TAF4: variants seen among roughly 807,000 people sequenced by gnomAD.
The protein encoded by TAF4 is transcription initiation factor TFIID subunit 4.
In TAF4, 9 loss-of-function variants were observed where a neutral mutation model predicts 90.3. The ratio of observed to expected loss-of-function variants is 0.10; its 90% CI spans 0.06 to 0.17. The LOEUF is 0.17. Among genes scored for constraint, TAF4 ranks in the 10% least tolerant of loss-of-function variants. TAF4 has a pLI of 1.00. For synonymous variants in TAF4, 818 were observed against 638.9 expected, an observed-to-expected ratio of 1.28 and a Z score of -4.23; for missense variants, 1,351 against 1,370.7, an observed-to-expected ratio of 0.99 and a Z score of 0.23.
intron 1 of TAF4, among the ~76,000 whole-genome samples, chr20:62,063,908 C>T (rs895180764): frequency 6.6e-6 from 1 of 152,254 alleles, no homozygotes; most frequent in Non-Finnish European, 1.5e-5. Context: ...AAGGAGGGGG[C>T]GTCGCGCCCC....
intron 1 of TAF4, among the ~76,000 whole-genome samples, chr20:62,022,607 C>T (rs1372345179): frequency 2.6e-5 from 4 of 152,200 alleles, no homozygotes; most frequent in African/African-American, 4.8e-5. Context: ...ATCCAGCGTG[C>T]GCTCCTTACA....
chr20:61,990,720 G>A (rs952628109), intron 14 of TAF4, among the ~76,000 whole-genome samples: 2 of 152,202 alleles, frequency 1.3e-5, no homozygotes, highest in Admixed American at 6.5e-5. Context: ...AACCTGCTGG[G>A]AGTGAATCAG....
chr20:61,991,453 G>A (rs2055630936), intron 14 of TAF4, among the ~76,000 whole-genome samples: 1 of 151,740 alleles, frequency 6.6e-6, no homozygotes, highest in East Asian at 1.9e-4. Context: ...AAAAGAGAGA[G>A]AGAAATTAGG....
In TAF4 at chr20:61,976,417, A is replaced by G. The variant is rs1600820599; in HGVS notation, c.3091-82T>C. Reference sequence around the variant, plus strand: ...ATGAGCCTGTGTATCTGAGCCAAGTACCCCGATTCCAGAGGAGGCCAGGCC... The same window carrying G: ...ATGAGCCTGTGTATCTGAGCCAAGTGCCCCGATTCCAGAGGAGGCCAGGCC... On this transcript the variant is annotated intron_variant, in intron 14 of 14. Coordinates refer to ENST00000252996, the MANE Select transcript of TAF4 (RefSeq NM_003185.4). 3.9e-6 allele frequency: 6 copies of G among 1,525,878 alleles called. No homozygotes were observed. In the East Asian group the frequency reaches 1.1e-4, roughly 29 times the overall value. 94.5% of individuals were successfully genotyped at this position (1,525,878 alleles called of 1,614,324 possible). A position where few individuals can be genotyped will look rare whatever the true frequency, so the allele number is the denominator to read the frequency against.
chr20:62,052,538 C>T (rs2145514822), intron 1 of TAF4, among the ~76,000 whole-genome samples: 1 of 152,026 alleles, frequency 6.6e-6, no homozygotes, highest in South Asian at 2.1e-4. Context: ...CGTGTGTGCC[C>T]TGTGGGTCAC....
intron 1 of TAF4, among the ~76,000 whole-genome samples, chr20:62,021,026 C>A (rs1309886784): frequency 6.6e-6 from 1 of 152,122 alleles, no homozygotes; most frequent in Non-Finnish European, 1.5e-5. Flanking sequence ...AGGGGAAAAA[C>A]ACAGATCCCA....
intron 9 of TAF4, 150 bp from the exon 10 acceptor site, chr20:62,000,871 G>A: frequency 1.3e-6 from 1 of 768,724 alleles, no homozygotes; most frequent in Non-Finnish European, 2.1e-6. Context: ...TGCTGCATCT[G>A]CCACAGCAGA....
chr20:61,987,793 A>C (rs757500414), intron 14 of TAF4, among the ~76,000 whole-genome samples: 9 of 152,282 alleles, frequency 5.9e-5, no homozygotes, highest in Admixed American at 1.3e-4. Flanking sequence ...AGCTTTCTTC[A>C]TAATTGCCAA....
chr20:62,064,509 G>C lies in TAF4; in HGVS notation c.1302C>G (p.Pro434=), dbSNP rs1477778087. 2.0e-6 allele frequency: 3 copies of C among 1,520,658 alleles called. No homozygotes were observed. Among genetic ancestry groups the C allele is most frequent in the Non-Finnish European group, 2.6e-6 (3 of 1,136,538 alleles). The allele number at this position is 1,520,658 out of a possible 1,614,324, so 94.2% of individuals were successfully genotyped here. ...RATLTPTVLA[P]RLPQPPQNPT... ...GGTTCTGAGGCGGCTGCGGCAAGCG[G>C]GGGGCCAGCACGGTGGGCGTCAGGG... Residue 434 remains proline (P), a synonymous_variant, in exon 1 of 15, where the codon CCC becomes CCG. Transcript: ENST00000252996.
chr20:62,065,629 T>A lies in TAF4; in HGVS notation c.182A>T (p.His61Leu). 2 of 1,031,648 alleles carry A rather than the reference T, an allele frequency of 1.9e-6. No individual in the cohort carries two copies. The highest frequency in any genetic ancestry group is 2.3e-6 in the Non-Finnish European group (2 of 864,298). 63.9% of individuals were successfully genotyped at this position (1,031,648 alleles called of 1,614,324 possible). A position where few individuals can be genotyped will look rare whatever the true frequency, so the allele number is the denominator to read the frequency against. The change falls in exon 1 of 15, where the codon CAT becomes CTT. Residue 61 changes from histidine to leucine, a missense_variant. Physicochemically the swap from His to Leu is moderately conservative, Grantham distance 99. Coordinates refer to ENST00000252996, the MANE Select transcript of TAF4 (RefSeq NM_003185.4). ...TCCGGCCGGGCTGCCGCTCACAACATGGTTCCCGAGCGCGCCGGCGGCCGC... is the reference window on the plus strand; with the variant it reads ...TCCGGCCGGGCTGCCGCTCACAACAAGGTTCCCGAGCGCGCCGGCGGCCGC... The part of the protein sequence containing the change: ...RAAAAGALGN[H>L]VVSGSPAGAA...
chr20:62,001,410 C>A (rs1364986083), intron 9 of TAF4, among the ~76,000 whole-genome samples: 2 of 152,256 alleles, frequency 1.3e-5, no homozygotes, highest in African/African-American at 2.4e-5. Context: ...CTGGAAGGCA[C>A]AGGCCAGCTG....
chr20:62,034,042 CAAA>C (rs753709978), intron 1 of TAF4, among the ~76,000 whole-genome samples: 7 of 99,268 alleles, frequency 7.1e-5, no homozygotes, highest in Admixed American at 1.1e-4. Context: ...ACTCTGTCTC[CAAA>C]AAAAAAAAAA....
At position 62,006,500 on chromosome 20, in the gene TAF4, C is replaced by A. The variant is rs770336883; in HGVS notation, c.2223+10G>T. 6 of 1,501,314 alleles carry A rather than the reference C, an allele frequency of 4.0e-6. No individual in the cohort carries two copies. Among genetic ancestry groups the A allele is most frequent in the Non-Finnish European group, 5.3e-6 (6 of 1,125,204 alleles). The allele number at this position is 1,501,314 out of a possible 1,614,324, so 93.0% of individuals were successfully genotyped here. ...GGGCTGTGCAGACCAGTCAGGCGCC[C>A]CTTCCATACCAGCGGTGTGGGTTGC... On this transcript the variant is annotated intron_variant, in intron 7 of 14. Coordinates refer to ENST00000252996, the MANE Select transcript of TAF4 (RefSeq NM_003185.4). The surrounding 1 kb of genome is among the most constrained non-coding windows in gnomAD (Gnocchi z 7.0).
rs567247421 is a variant in TAF4 at position 62,064,350 on chromosome 20, G to A, written c.1360+101C>T. On this transcript the variant is annotated intron_variant, in intron 1 of 14. Transcript: ENST00000252996. ...GGCCTGCTCCAGCCACGGGCCTACG[G>A]GACAGATGACCTTAGCATTCCACCA... 1.0e-4 allele frequency: 126 copies of A among 1,235,054 alleles called. No individual in the cohort carries two copies. The East Asian group carries it at 3.6e-3, about 35-fold the overall frequency. 76.5% of individuals were successfully genotyped at this position (1,235,054 alleles called of 1,614,324 possible). A position where few individuals can be genotyped will look rare whatever the true frequency, so the allele number is the denominator to read the frequency against.
intron 2 of TAF4, among the ~76,000 whole-genome samples, chr20:62,014,079 C>G (rs2055798979): frequency 6.6e-6 from 1 of 151,186 alleles, no homozygotes; most frequent in South Asian, 2.1e-4. Flanking sequence ...TCTGGCACCC[C>G]CTAACAGCAG....
chr20:62,029,255 G>C (rs1375870181), intron 1 of TAF4, among the ~76,000 whole-genome samples: 1 of 151,732 alleles, frequency 6.6e-6, no homozygotes, highest in Non-Finnish European at 1.5e-5. Flanking sequence ...ATAGCTGTTT[G>C]TTGTACTCAT....
chr20:61,978,630 CAA>C (rs2055512920), intron 14 of TAF4, among the ~76,000 whole-genome samples: 1 of 148,002 alleles, frequency 6.8e-6, no homozygotes, highest in African/African-American at 2.5e-5. Flanking sequence ...AGGCCGGGGG[CAA>C]GACGAACCAA....
In TAF4 at chr20:61,976,216, T is replaced by C. The variant is rs1203905542; in HGVS notation, c.3210A>G (p.Glu1070=). ...LRDLIFCLEN[E]RETSHSLLLY... ...GCAGCAGTGAATGGCTTGTCTCACG[T>C]TCATTTTCTAAACAAAATATGAGGT... Residue 1070 remains glutamate, a synonymous_variant, in exon 15 of 15, where the codon GAA becomes GAG. Coordinates refer to ENST00000252996, the MANE Select transcript of TAF4 (RefSeq NM_003185.4). 1.2e-6 allele frequency: 2 copies of C among 1,614,102 alleles called. No homozygotes were observed. Among genetic ancestry groups the C allele is most frequent in the Non-Finnish European group, 1.7e-6 (2 of 1,180,050 alleles).
intron 1 of TAF4, among the ~76,000 whole-genome samples, chr20:62,030,219 A>G (rs1223661122): frequency 1.3e-5 from 2 of 152,360 alleles, no homozygotes; most frequent in Admixed American, 6.5e-5. Flanking sequence ...GCCCGCCAGG[A>G]AACTGGACAC....
Sources: allele counts gnomAD v4.1 joint callset (sites outside exome capture counted in the v4.1 genomes callset), GRCh38; gene constraint gnomAD v4.1.1; non-coding constraint Gnocchi (gnomAD v3.1); transcripts MANE v1.5; gene names NCBI Gene and HGNC (gene_info 2026-07-23, HGNC 2026-07-21).